Variants in USP46 observed in about 807,000 individuals in gnomAD.
The protein encoded by USP46 is ubiquitin carboxyl-terminal hydrolase 46.
In USP46, 12 loss-of-function variants were observed where a neutral mutation model predicts 44.4. The ratio of observed to expected loss-of-function variants is 0.27; its 90% CI spans 0.17 to 0.44. USP46 has a LOEUF of 0.44. Among genes scored for constraint, USP46 ranks in the 20% least tolerant of loss-of-function variants. The pLI, the probability that USP46 is intolerant of heterozygous loss-of-function variation, is 1.00. For synonymous variants in USP46, 155 were observed against 161.5 expected, an observed-to-expected ratio of 0.96 and a Z score of 0.31; for missense variants, 248 against 444.8, an observed-to-expected ratio of 0.56 and a Z score of 3.98.
At position 52,627,991 on chromosome 4, in the gene USP46, A is replaced by G. The variant is rs749357903; in HGVS notation, c.290T>C (p.Ile97Thr). The G allele has an allele frequency of 1.9e-6, 3 of 1,613,670 alleles. No individual in the cohort carries two copies. The African/African-American group carries it at 4.0e-5, about 22-fold the overall frequency. Residue 97 changes from isoleucine (I) to threonine (T), a missense_variant, in exon 3 of 9, where the codon ATC (isoleucine) becomes ACC (threonine). By Grantham distance (89) the Ile-to-Thr change is moderately conservative. This residue lies in a region of USP46 where 54 missense variants were observed against 135.0 expected (regional missense o/e 0.40). Transcript: ENST00000441222. ...CCTTGAAATGAACTTCTTTGGTGGG[A>G]TGACGCCAACCTTCTTCTTCTGTGT... is the stretch of plus-strand genomic sequence containing the variant. ...IATQKKKVGVIPPKKFISRLR... is the reference protein window; with the variant it reads ...IATQKKKVGVTPPKKFISRLR...
intron 2 of USP46, among the ~76,000 whole-genome samples, chr4:52,630,515 G>A (rs528255773): frequency 4.7e-4 from 72 of 152,290 alleles, no homozygotes; most frequent in African/African-American, 1.6e-3. Flanking sequence ...CACACTTTGG[G>A]AGGCCGAAGC....
At chr4:52,609,894 A>ATTT (rs1423146190) in intron 5 of USP46, among the ~76,000 whole-genome samples, 2 of 20,644 alleles carry the variant, frequency 9.7e-5, no homozygotes, top group East Asian at 1.0e-3. Flanking sequence ...CCTCAATTCT[A>ATTT]TTTCTTTTTT....
At chr4:52,614,271 G>A (rs1330472954) in intron 4 of USP46, among the ~76,000 whole-genome samples, 4 of 152,112 alleles carry the variant, frequency 2.6e-5, no homozygotes, top group South Asian at 4.1e-4. Context: ...GAAAATAAAC[G>A]CTGAGTATTT....
chr4:52,617,392 TG>T (rs1412111063), intron 4 of USP46, among the ~76,000 whole-genome samples: 1 of 152,356 alleles, frequency 6.6e-6, no homozygotes, highest in African/African-American at 2.4e-5. Flanking sequence ...AAAAACATTT[TG>T]TCCTGTTGGA....
Position 52,601,919 on chromosome 4 carries a change from G to A in USP46, c.858C>T (p.Ser286=), listed in dbSNP as rs370173749. The change falls in exon 7 of 9, where the codon TCC becomes TCT. Residue 286 remains serine, a synonymous_variant. Transcript: ENST00000441222. ...TGCGGTCCAGGTTCACTGCATCACT[G>A]GAGGTGTTGAAGAGCCGGAGTTCCA... The part of the protein sequence containing the change: ...FPLELRLFNT[S]SDAVNLDRMY... 136 of 1,613,842 alleles carry A rather than the reference G, an allele frequency of 8.4e-5. No individual in the cohort carries two copies. The highest frequency in any genetic ancestry group is 1.8e-4 in the East Asian group (8 of 44,888).
chr4:52,597,588 G>T lies in USP46; in HGVS notation c.*52C>A. 1 of 1,289,456 alleles carries T rather than the reference G, an allele frequency of 7.8e-7. No individual in the cohort carries two copies. The highest frequency in any genetic ancestry group is 1.1e-6 in the Non-Finnish European group (1 of 914,278). The allele number at this position is 1,289,456 out of a possible 1,614,324, so 79.9% of individuals were successfully genotyped here. ...AGGAAAGCCTGCGGAGAAGCCGGGT[G>T]ACAGTGCTGTGAACATTCTCCCCAC... is the stretch of plus-strand genomic sequence containing the variant. On this transcript the variant is annotated 3_prime_UTR_variant, in exon 9 of 9. Transcript: ENST00000441222.
At position 52,595,477 on chromosome 4, in the gene USP46, T is replaced by C. The variant is rs1383132837; in HGVS notation, c.*2163A>G. 6.6e-6 allele frequency: 1 copy of C among 152,510 alleles called. No homozygotes were observed. The allele number at this position is 152,510 out of a possible 1,614,324, so 9.4% of individuals were successfully genotyped here. A position where few individuals can be genotyped will look rare whatever the true frequency, so the allele number is the denominator to read the frequency against. Reference sequence around the variant, plus strand: ...TTAATGTGTTTGCAATATTTTCTTATACTTACCCTTTTTCGTTCCAAAAAT... The same window carrying C: ...TTAATGTGTTTGCAATATTTTCTTACACTTACCCTTTTTCGTTCCAAAAAT... On this transcript the variant is annotated 3_prime_UTR_variant, in exon 9 of 9. Transcript: ENST00000441222.
intron 1 of USP46, among the ~76,000 whole-genome samples, chr4:52,649,903 C>T (rs1433414438): frequency 6.6e-6 from 1 of 152,202 alleles, no homozygotes; most frequent in African/African-American, 2.4e-5. Context: ...AATACACACA[C>T]ACACATACAC....
At chr4:52,644,840 G>A (rs898992121) in intron 1 of USP46, among the ~76,000 whole-genome samples, 5 of 151,132 alleles carry the variant, frequency 3.3e-5, no homozygotes, top group East Asian at 3.9e-4. Flanking sequence ...GGTGGATCAC[G>A]CGGTCAGGAG....
Position 52,649,535 on chromosome 4 carries a change from T to C in USP46, c.36+9580A>G, listed in dbSNP as rs550658551. Among the ~76,000 whole-genome samples, 6 of 152,354 alleles carry C rather than the reference T, an allele frequency of 3.9e-5. No individual in the cohort carries two copies. In the South Asian group the frequency reaches 6.2e-4, roughly 16 times the overall value. ...AAAAATGGTCCCGAAACCAGCATTA[T>C]CTGTACCACCAGAGAGTTTGTTAGA... On this transcript the variant is annotated intron_variant, in intron 1 of 8. Coordinates refer to ENST00000441222, the MANE Select transcript of USP46 (RefSeq NM_022832.4).
At chr4:52,624,030 G>A (rs1461885649) in intron 4 of USP46, among the ~76,000 whole-genome samples, 1 of 152,150 alleles carries the variant, frequency 6.6e-6, no homozygotes, top group African/African-American at 2.4e-5. Context: ...TTTCCAGAAT[G>A]TGGGAAATGC....
At chr4:52,628,287 C>CATATT in intron 2 of USP46, 124 bp from the exon 3 acceptor site, 1 of 846,486 alleles carries the variant, frequency 1.2e-6, no homozygotes, top group African/African-American at 1.7e-5. Context: ...TATTGGAGTC[C>CATATT]AGCTCACCAT....
Position 52,626,030 on chromosome 4 carries a change from C to T in USP46, c.549G>A (p.Leu183=). ...QGTLTNETRC[L]NCETVSSKDE... is the part of the protein sequence containing the mutation. ...CCCTAGTACTTACAGTTTCACAGTT[C>T]AAGCATCGAGTTTCATTGGTAAGCG... The change falls in exon 4 of 9, where the codon TTG becomes TTA. Residue 183 remains leucine, a synonymous_variant. Transcript: ENST00000441222. 1.2e-6 allele frequency: 2 copies of T among 1,613,592 alleles called. No individual in the cohort carries two copies. The highest frequency in any genetic ancestry group is 1.7e-4 in the Middle Eastern group (1 of 6,058).
intron 4 of USP46, among the ~76,000 whole-genome samples, chr4:52,624,582 C>T (rs1397032659): frequency 6.6e-6 from 1 of 152,190 alleles, no homozygotes; most frequent in Non-Finnish European, 1.5e-5. Context: ...CTAAAAACTT[C>T]TCCCTTTACA....
chr4:52,658,084 C>T (rs531409553), intron 1 of USP46: 1 of 400,776 alleles, frequency 2.5e-6, no homozygotes, highest in South Asian at 1.8e-5. Flanking sequence ...TGTAAGAGCA[C>T]GTGTTGCCTC....
chr4:52,616,658 C>G (rs571545789), intron 4 of USP46, among the ~76,000 whole-genome samples: 163 of 152,300 alleles, frequency 1.1e-3, no homozygotes, highest in Non-Finnish European at 1.5e-3. Flanking sequence ...TAGGCATGAG[C>G]CACCGTGCCT....
At chr4:52,605,195 C>T (rs899130805) in intron 5 of USP46, among the ~76,000 whole-genome samples, 4 of 152,172 alleles carry the variant, frequency 2.6e-5, no homozygotes, top group African/African-American at 7.2e-5. Context: ...CTCCTACCAA[C>T]CCCTGCTCCC....
chr4:52,629,618 T>C (rs1024535944), intron 2 of USP46: 1 of 456,298 alleles, frequency 2.2e-6, no homozygotes. Flanking sequence ...TTTTCCTCTC[T>C]TACTCAGTAT....
At position 52,591,806 on chromosome 4, in the gene USP46, G is replaced by C. The variant is rs1716028350; in HGVS notation, c.*5834C>G. 1.3e-5 allele frequency: 2 copies of C among 152,156 alleles called. No homozygotes were observed. The highest frequency in any genetic ancestry group is 4.1e-4 in the South Asian group (2 of 4,826). 9.4% of individuals were successfully genotyped at this position (152,156 alleles called of 1,614,324 possible). Reference sequence around the variant, plus strand: ...TATCTTATTTTGGTAAGTCTAGATAGGCTCTAATTATTTGGTCATAATGTA... The same window carrying C: ...TATCTTATTTTGGTAAGTCTAGATACGCTCTAATTATTTGGTCATAATGTA... On this transcript the variant is annotated 3_prime_UTR_variant, in exon 9 of 9. Transcript: ENST00000441222.
Sources: allele counts gnomAD v4.1 joint callset (sites outside exome capture counted in the v4.1 genomes callset), GRCh38; gene constraint gnomAD v4.1.1; regional missense constraint gnomAD v4.1.1; transcripts MANE v1.5; gene names NCBI Gene and HGNC (gene_info 2026-07-23, HGNC 2026-07-21).